Variants in FSTL4 observed in about 807,000 individuals in gnomAD.
The protein encoded by FSTL4 is follistatin like 4, also known as follistatin-related protein 4.
A neutral mutation model predicts 78.2 loss-of-function variants in FSTL4; 28 were observed. The ratio of observed to expected loss-of-function variants is 0.36; its 90% CI spans 0.27 to 0.49. FSTL4 has a LOEUF of 0.49. Ranked by LOEUF, FSTL4 falls within the 20% of genes least tolerant of loss-of-function variation. FSTL4 has a pLI of 0.98. For missense variants in FSTL4, 922 were observed against 1,084.9 expected, an observed-to-expected ratio of 0.85 and a Z score of 2.11; for synonymous variants, 422 against 440.5, an observed-to-expected ratio of 0.96 and a Z score of 0.53.
chr5:133,820,498 C>A, the FSTL4 span, among the ~76,000 whole-genome samples: 1 of 152,282 alleles, frequency 6.6e-6, no homozygotes, highest in South Asian at 2.1e-4. Flanking sequence ...CCTCCTTATT[C>A]CCTACTCCAC....
At chr5:133,495,834 C>T (rs1431326345) in intron 3 of FSTL4, among the ~76,000 whole-genome samples, 1 of 152,142 alleles carries the variant, frequency 6.6e-6, no homozygotes, top group East Asian at 1.9e-4. Context: ...GTCCATAGGC[C>T]ATGAAATCAG....
chr5:133,819,120 G>C, the FSTL4 span, among the ~76,000 whole-genome samples: 1 of 150,016 alleles, frequency 6.7e-6, no homozygotes, highest in African/African-American at 2.5e-5. Flanking sequence ...TCCCTGCCTT[G>C]CGTACACATG....
intron 4 of FSTL4, among the ~76,000 whole-genome samples, chr5:133,358,476 G>A (rs896365235): frequency 6.6e-6 from 1 of 152,160 alleles, no homozygotes; most frequent in Non-Finnish European, 1.5e-5. Flanking sequence ...CAGGGAGGGC[G>A]AGGGGGCCTG....
the FSTL4 span, among the ~76,000 whole-genome samples, chr5:133,647,459 C>A: frequency 2.6e-5 from 4 of 152,138 alleles, no homozygotes; most frequent in Non-Finnish European, 4.4e-5. Flanking sequence ...ACAAAGCAAC[C>A]TGCAATGATA....
At chr5:133,200,493 G>C (rs1440770550) in intron 15 of FSTL4, among the ~76,000 whole-genome samples, 1 of 152,242 alleles carries the variant, frequency 6.6e-6, no homozygotes, top group Non-Finnish European at 1.5e-5. Context: ...CAGGCTGCTT[G>C]CCTCTCTGAG....
chr5:133,247,629 G>C (rs1275098043), intron 7 of FSTL4: 1 of 152,284 alleles, frequency 6.6e-6, no homozygotes, highest in Non-Finnish European at 1.5e-5. Context: ...GCTCTTTCTT[G>C]CTAAGTTCTC....
the FSTL4 span, among the ~76,000 whole-genome samples, chr5:133,827,059 G>C: frequency 6.6e-6 from 1 of 152,330 alleles, no homozygotes; most frequent in African/African-American, 2.4e-5. Context: ...TTGTGGGTCC[G>C]TAAAGACGGC....
the FSTL4 span, among the ~76,000 whole-genome samples, chr5:133,838,084 C>T: frequency 1.3e-5 from 2 of 152,054 alleles, no homozygotes; most frequent in African/African-American, 4.8e-5. Flanking sequence ...GACAGGATTT[C>T]ACCATGTTGG....
chr5:133,478,193 A>AT (rs376272399), intron 3 of FSTL4, among the ~76,000 whole-genome samples: 1 of 152,054 alleles, frequency 6.6e-6, no homozygotes, highest in Non-Finnish European at 1.5e-5. Context: ...CGATTCCCTG[A>AT]TTTTTTTTCT....
chr5:133,306,492 A>T (rs1045591290), intron 6 of FSTL4, among the ~76,000 whole-genome samples: 1 of 152,202 alleles, frequency 6.6e-6, no homozygotes, highest in Non-Finnish European at 1.5e-5. Context: ...TGTGAGAAGC[A>T]GGGGCTTCCC....
At chr5:133,743,023 TA>T in the FSTL4 span, among the ~76,000 whole-genome samples, 1 of 152,248 alleles carries the variant, frequency 6.6e-6, no homozygotes, top group East Asian at 1.9e-4. Context: ...TTCTTTCATT[TA>T]GGGGAAAAAC....
intron 3 of FSTL4, among the ~76,000 whole-genome samples, chr5:133,508,111 T>C (rs1758649311): frequency 6.6e-6 from 1 of 152,186 alleles, no homozygotes; most frequent in African/African-American, 2.4e-5. Context: ...ATTATGTTAC[T>C]AAGTCTCTTT....
At chr5:133,656,119 A>G in the FSTL4 span, among the ~76,000 whole-genome samples, 11 of 152,248 alleles carry the variant, frequency 7.2e-5, no homozygotes, top group Non-Finnish European at 1.3e-4. Flanking sequence ...ACAAGGATTC[A>G]TGGGCAGGTA....
chr5:133,793,875 G>A, the FSTL4 span, among the ~76,000 whole-genome samples: 23 of 152,338 alleles, frequency 1.5e-4, no homozygotes, highest in African/African-American at 5.3e-4. Context: ...GGGAGGAAAA[G>A]AGAACGTATT....
the FSTL4 span, among the ~76,000 whole-genome samples, chr5:133,838,613 T>C: frequency 2.0e-5 from 3 of 151,946 alleles, no homozygotes; most frequent in African/African-American, 7.2e-5. Context: ...CCAGTGTCTC[T>C]AACTATCTTT....
In FSTL4 at chr5:133,439,937, G is replaced by A. The variant is rs1034200571; in HGVS notation, c.161-38951C>T. On this transcript the variant is annotated intron_variant, in intron 3 of 15. Transcript: ENST00000265342. ...TAGTAGGCATTGTTTTATTCAGGGC[G>A]TGGACACCCTGGGAGGGGTCAGACG... is the stretch of plus-strand genomic sequence containing the variant. Among the ~76,000 whole-genome samples the A allele has an allele frequency of 2.6e-5, 4 of 152,170 alleles. No individual in the cohort carries two copies. The East Asian group carries it at 7.7e-4, about 29-fold the overall frequency.
chr5:133,809,077 G>A, the FSTL4 span, among the ~76,000 whole-genome samples: 1 of 151,858 alleles, frequency 6.6e-6, no homozygotes, highest in South Asian at 2.1e-4. Flanking sequence ...ATAATAAGAG[G>A]ACCTCAGGCC....
intron 3 of FSTL4, among the ~76,000 whole-genome samples, chr5:133,534,485 A>G (rs1049422140): frequency 6.6e-6 from 1 of 152,160 alleles, no homozygotes; most frequent in Non-Finnish European, 1.5e-5. Context: ...TATTCCTGTT[A>G]CTTTTATGCC....
chr5:133,803,933 G>C, the FSTL4 span, among the ~76,000 whole-genome samples: 2 of 152,184 alleles, frequency 1.3e-5, no homozygotes, highest in Admixed American at 1.3e-4. Flanking sequence ...TCAGGTGGAA[G>C]CTATGAGCCA....
Sources: gnomAD v4.1 joint callset for allele counts (sites outside exome capture counted in the v4.1 genomes callset) on GRCh38, gnomAD v4.1.1 for gene constraint, MANE v1.5 for transcripts, NCBI Gene and HGNC (gene_info 2026-07-23, HGNC 2026-07-21) for gene names.